The following DMD variants were observed in gnomAD, a reference collection of about 807,000 sequenced individuals.
The protein encoded by DMD is dystrophin.
DMD carries 63 observed loss-of-function variants against 330.1 expected under a neutral mutation model. The observed-to-expected ratio is 0.19, with a 90% CI of 0.16 to 0.24. The LOEUF (loss-of-function observed/expected upper bound fraction) is 0.24, where lower values mean the gene tolerates loss of function less well. DMD is among the 10% of genes least tolerant of loss of function. The probability of loss-of-function intolerance (pLI) is 1.00; values close to 1 mark genes in which losing one functional copy is unlikely to be tolerated. For synonymous variants in DMD, 1,223 were observed against 959.8 expected, an observed-to-expected ratio of 1.27 and a Z score of -5.07; for missense variants, 3,344 against 2,684.1, an observed-to-expected ratio of 1.25 and a Z score of -5.43.
chrX:32,422,419 G>C (rs1251087294), intron 29 of DMD, among the ~76,000 whole-genome samples: 1 of 111,299 alleles, frequency 9.0e-6, no homozygotes, highest in African/African-American at 3.3e-5. Context: ...AAATTGAGAA[G>C]GTCTATGAAG....
intron 43 of DMD, among the ~76,000 whole-genome samples, chrX:32,278,218 G>C (rs1472456514): frequency 1.8e-5 from 2 of 111,027 alleles, no homozygotes; most frequent in East Asian, 5.7e-4. Context: ...TAGAGGTAAT[G>C]GATAAATTCC....
At chrX:32,979,453 A>G (rs1191211429) in intron 2 of DMD, among the ~76,000 whole-genome samples, 1 of 111,944 alleles carries the variant, frequency 8.9e-6, no homozygotes, top group Non-Finnish European at 1.9e-5. Flanking sequence ...ATTGGCACTT[A>G]TAACTTTTTC....
At chrX:32,521,974 G>C (rs779382902) in intron 17 of DMD, among the ~76,000 whole-genome samples, 1 of 111,747 alleles carries the variant, frequency 8.9e-6, no homozygotes, top group African/African-American at 3.3e-5. Context: ...CAGTGAGAGA[G>C]CACCAAGTAT....
At chrX:32,554,009 G>A (rs746643774) in intron 16 of DMD, among the ~76,000 whole-genome samples, 39 of 112,488 alleles carry the variant, frequency 3.5e-4, no homozygotes, top group African/African-American at 1.2e-3. Context: ...GGATTCAATG[G>A]ATAGAGCTCT....
At chrX:32,329,955 A>G (rs1379303140) in intron 41 of DMD, among the ~76,000 whole-genome samples, 1 of 112,181 alleles carries the variant, frequency 8.9e-6, no homozygotes, top group African/African-American at 3.2e-5. Context: ...ATTAGTCACC[A>G]CTAAATATAG....
At chrX:33,129,125 T>G (rs2095482345) in intron 1 of DMD, 1 of 111,401 alleles carries the variant, frequency 9.0e-6, no homozygotes, top group African/African-American at 3.3e-5. Context: ...GAGCATAAGA[T>G]TGAAGTGGAT....
At chrX:31,189,629 T>C (rs1390337749) in intron 67 of DMD, among the ~76,000 whole-genome samples, 2 of 111,931 alleles carry the variant, frequency 1.8e-5, no homozygotes, top group Admixed American at 9.5e-5. Context: ...CGATACCTCC[T>C]TAATTTCTTT....
At chrX:33,050,307 A>G (rs1337139474) in intron 1 of DMD, among the ~76,000 whole-genome samples, 1 of 112,070 alleles carries the variant, frequency 8.9e-6, no homozygotes, top group Admixed American at 9.5e-5. Context: ...GACAACATTT[A>G]TAAATGACTA....
chrX:31,216,447 G>A (rs1205344733), intron 64 of DMD, among the ~76,000 whole-genome samples: 1 of 112,431 alleles, frequency 8.9e-6, no homozygotes, highest in African/African-American at 3.2e-5. Flanking sequence ...TATAAACTGA[G>A]AAAATTAGTT....
At chrX:32,725,265 T>TCTC (rs1428056272) in intron 7 of DMD, among the ~76,000 whole-genome samples, 1 of 111,192 alleles carries the variant, frequency 9.0e-6, no homozygotes, top group Non-Finnish European at 1.9e-5. Context: ...TGCTGAGCAT[T>TCTC]CTCTGCCTCT....
intron 44 of DMD, among the ~76,000 whole-genome samples, chrX:32,173,415 C>T (rs1156343897): frequency 9.0e-6 from 1 of 110,891 alleles, no homozygotes; most frequent in Non-Finnish European, 1.9e-5. Context: ...GCTCTGTCAC[C>T]AGGCTGGAGT....
At chrX:32,887,376 G>T (rs979441041) in intron 2 of DMD, among the ~76,000 whole-genome samples, 1 of 109,275 alleles carries the variant, frequency 9.2e-6, no homozygotes, top group African/African-American at 3.3e-5. Flanking sequence ...AAAGAAAATT[G>T]GACCCTTATC....
intron 47 of DMD, among the ~76,000 whole-genome samples, chrX:31,922,852 C>T (rs1049242542): frequency 7.2e-5 from 8 of 111,478 alleles, no homozygotes; most frequent in African/African-American, 2.6e-4. Context: ...GTGATTAATT[C>T]GGTAATAATG....
chrX:31,621,299 G>T (rs1209966267), intron 55 of DMD, among the ~76,000 whole-genome samples: 6 of 111,903 alleles, frequency 5.4e-5, no homozygotes, highest in African/African-American at 9.7e-5. Context: ...TGTTTTGTTT[G>T]TTCAACCTCA....
chrX:32,699,966 A>G lies in DMD; in HGVS notation c.650-673T>C, dbSNP rs1034005034. Among the ~76,000 whole-genome samples, 5 of 112,094 alleles carry G rather than the reference A, an allele frequency of 4.5e-5. No homozygotes were observed. In the East Asian group the frequency reaches 1.4e-3, roughly 31 times the overall value. Reference sequence around the variant, plus strand: ...ACAAATGTAAAAGTCCCGCACATTAAGTTGATCTGACTTCATATCCTTTGC... The same window carrying G: ...ACAAATGTAAAAGTCCCGCACATTAGGTTGATCTGACTTCATATCCTTTGC... On this transcript the variant is annotated intron_variant, in intron 7 of 78. Transcript: ENST00000357033.
chrX:31,369,700 AG>A (rs1457163354), intron 60 of DMD, among the ~76,000 whole-genome samples: 2 of 110,819 alleles, frequency 1.8e-5, no homozygotes, highest in African/African-American at 6.6e-5. Flanking sequence ...GAAACATAGA[AG>A]GTGGCTGGGT....
chrX:32,400,413 A>T (rs1311656153), intron 30 of DMD, among the ~76,000 whole-genome samples: 1 of 111,381 alleles, frequency 9.0e-6, no homozygotes. Context: ...AATGGTCTAA[A>T]ATTCTCTTTT....
intron 3 of DMD, among the ~76,000 whole-genome samples, chrX:32,847,517 G>T (rs781539627): frequency 8.9e-6 from 1 of 112,393 alleles, no homozygotes; most frequent in South Asian, 3.7e-4. Flanking sequence ...TATCTCTACA[G>T]AAACTATTAG....
intron 1 of DMD, among the ~76,000 whole-genome samples, chrX:33,040,668 A>G (rs1055426563): frequency 5.4e-5 from 6 of 110,831 alleles, no homozygotes; most frequent in Non-Finnish European, 1.1e-4. Context: ...TACTAACACC[A>G]CTGACTCAAA....
Sources: gnomAD v4.1 joint callset for allele counts (sites outside exome capture counted in the v4.1 genomes callset) on GRCh38, gnomAD v4.1.1 for gene constraint, MANE v1.5 for transcripts, NCBI Gene and HGNC (gene_info 2026-07-23, HGNC 2026-07-21) for gene names.